The following BAZ2B variants were observed in gnomAD, a reference collection of about 807,000 sequenced individuals.
The protein encoded by BAZ2B is bromodomain adjacent to zinc finger domain 2B.
BAZ2B carries 91 observed loss-of-function variants against 246.0 expected under a neutral mutation model. The observed-to-expected ratio is 0.37, with a 90% CI of 0.31 to 0.44. The LOEUF is 0.44. BAZ2B is among the 20% of genes least tolerant of loss of function. The pLI is 1.00. For missense variants in BAZ2B, 2,332 were observed against 2,533.7 expected (o/e 0.92, Z 1.71); for synonymous variants, 855 against 860.0 (o/e 0.99, Z 0.10).
chr2:159,368,933 T>C (rs1016301740), intron 27 of BAZ2B, among the ~76,000 whole-genome samples: 6 of 151,682 alleles, frequency 4.0e-5, no homozygotes, highest in Admixed American at 2.6e-4. Context: ...CATTAAATTA[T>C]TTATTTACTT....
rs1466594147 is a variant in BAZ2B, at chr2:159,433,034, C to T, written c.1623G>A (p.Gly541=). 6.2e-7 allele frequency: 1 copy of T among 1,614,038 alleles called. No individual in the cohort carries two copies. Among genetic ancestry groups the T allele is most frequent in the East Asian group, 2.2e-5 (1 of 44,896 alleles). The part of the protein sequence containing the change: ...FSSPVNLSTS[G]RRTPGNQTPV... ...GTGTCTGATTGCCAGGGGTTCTTCT[C>T]CCACTTGTACTCAGATTTACAGGTG... Residue 541 remains glycine, a synonymous_variant, in exon 9 of 37, where the codon GGG becomes GGA. Transcript: ENST00000392783.
At chr2:159,701,188 T>G in the BAZ2B span, among the ~76,000 whole-genome samples, 20 of 152,354 alleles carry the variant, frequency 1.3e-4, no homozygotes, top group African/African-American at 4.8e-4. Context: ...GAAACCTCAA[T>G]GTCTCTAGTG....
At chr2:159,400,701 T>G (rs1024438321) in intron 16 of BAZ2B, 37 bp from the exon 17 acceptor site, 1 of 1,200,758 alleles carries the variant, frequency 8.3e-7, no homozygotes, top group Admixed American at 2.0e-5. Flanking sequence ...GATAATAAAA[T>G]AAACTATCTG....
chr2:159,358,635 C>T (rs1211423620), intron 27 of BAZ2B, among the ~76,000 whole-genome samples: 2 of 152,178 alleles, frequency 1.3e-5, no homozygotes, highest in African/African-American at 4.8e-5. Flanking sequence ...ACAGAACTCT[C>T]CACCCCAAAT....
At chr2:159,315,805 A>G (rs1376211555), downstream of BAZ2B, among the ~76,000 whole-genome samples, 1 of 152,232 alleles carries the variant, frequency 6.6e-6, no homozygotes, top group African/African-American at 2.4e-5. Context: ...CCATGTATTA[A>G]AAAAATCACT....
chr2:159,662,107 G>C, the BAZ2B span, among the ~76,000 whole-genome samples: 1 of 152,150 alleles, frequency 6.6e-6, no homozygotes, highest in East Asian at 1.9e-4. Flanking sequence ...ATGTGGCCTT[G>C]TGTATTTGGT....
intron 14 of BAZ2B, among the ~76,000 whole-genome samples, chr2:159,409,503 C>T (rs2066491032): frequency 6.6e-6 from 1 of 152,132 alleles, no homozygotes; most frequent in African/African-American, 2.4e-5. Context: ...TTAGAGTTCT[C>T]ATTTCACAAC....
intron 21 of BAZ2B, among the ~76,000 whole-genome samples, chr2:159,389,125 C>CCAACCAAA (rs1426855041): frequency 5.4e-5 from 8 of 149,190 alleles, no homozygotes; most frequent in South Asian, 2.1e-4. Flanking sequence ...AACCAACCAA[C>CCAACCAAA]CAAACAAACA....
intron 2 of BAZ2B, among the ~76,000 whole-genome samples, chr2:159,531,102 T>C (rs2085334310): frequency 6.6e-6 from 1 of 152,170 alleles, no homozygotes. Flanking sequence ...CATGAATAAT[T>C]AGGTGTATTC....
chr2:159,659,916 A>G, the BAZ2B span, among the ~76,000 whole-genome samples: 1 of 152,240 alleles, frequency 6.6e-6, no homozygotes, highest in Non-Finnish European at 1.5e-5. Context: ...TCATTAAAGT[A>G]TCATAATTTC....
intron 27 of BAZ2B, among the ~76,000 whole-genome samples, chr2:159,370,194 T>C (rs902378160): frequency 1.3e-5 from 2 of 152,008 alleles, no homozygotes; most frequent in African/African-American, 2.4e-5. Flanking sequence ...AGGGGAGGGA[T>C]AGCATTAGGA....
chr2:159,322,349 C>G (rs1188979423), intron 36 of BAZ2B, among the ~76,000 whole-genome samples: 1 of 152,130 alleles, frequency 6.6e-6, no homozygotes, highest in African/African-American at 2.4e-5. Context: ...ATTATCGTCA[C>G]TTCTAAAACA....
intron 17 of BAZ2B, 34 bp from the exon 18 acceptor site, chr2:159,398,928 A>C (rs758741471): frequency 1.5e-5 from 23 of 1,581,540 alleles, no homozygotes; most frequent in Non-Finnish European, 1.9e-5. Context: ...AAGTCATGCA[A>C]CAGCACCACT....
chr2:159,537,822 T>C (rs1226468808), intron 2 of BAZ2B, among the ~76,000 whole-genome samples: 1 of 152,164 alleles, frequency 6.6e-6, no homozygotes, highest in Non-Finnish European at 1.5e-5. Flanking sequence ...TTTTTTCCTA[T>C]ATAATTAATG....
chr2:159,623,725 A>G, the BAZ2B span, among the ~76,000 whole-genome samples: 1 of 152,170 alleles, frequency 6.6e-6, no homozygotes, highest in Non-Finnish European at 1.5e-5. Flanking sequence ...TTGCTAGCAA[A>G]TCTCACTTCT....
In BAZ2B at chr2:159,587,763, G is replaced by T. The variant is rs1688372984; in HGVS notation, c.-46+28479C>A. On this transcript the variant is annotated intron_variant, in intron 1 of 36. Coordinates refer to ENST00000392783, the MANE Select transcript of BAZ2B (RefSeq NM_013450.4). ...TTTACATGACTGTTTTCCCCTACTA[G>T]TCTGCGAACAGAAAGAAAAGTAACC... 2.6e-5 allele frequency among the ~76,000 whole-genome samples: 4 copies of T among 152,040 alleles called. No homozygotes were observed. In the South Asian group the frequency reaches 8.3e-4, roughly 32 times the overall value.
chr2:159,696,332 T>G, the BAZ2B span, among the ~76,000 whole-genome samples: 12 of 152,154 alleles, frequency 7.9e-5, 1 homozygote, highest in East Asian at 2.3e-3. Flanking sequence ...AGCGTGAGAT[T>G]TGTCCTCCAA....
intron 25 of BAZ2B, 90 bp from the exon 26 acceptor site, chr2:159,374,843 T>G (rs17577396): frequency 0.056 from 61,468 of 1,089,724 alleles, 2,027 homozygotes; most frequent in South Asian, 0.098. Context: ...CTATAGGCAC[T>G]GCGGAAAGGT....
chr2:159,368,430 G>GT lies in BAZ2B; in HGVS notation c.4213+4614dup, dbSNP rs558976842. On this transcript the variant is annotated intron_variant, in intron 27 of 36. Transcript: ENST00000392783. ...AACACTTGATGAATAAATCATCTGAGTTTTTTCCTCATTTTAATTAGCTGT... is the reference window on the plus strand; with the variant it reads ...AACACTTGATGAATAAATCATCTGAGTTTTTTTCCTCATTTTAATTAGCTGT... 6.7e-4 allele frequency among the ~76,000 whole-genome samples: 102 copies of GT among 152,184 alleles called. 2 individuals are homozygous for GT. In the South Asian group the frequency reaches 0.011, roughly 16 times the overall value.
Sources: allele counts gnomAD v4.1 joint callset (sites outside exome capture counted in the v4.1 genomes callset), GRCh38; gene constraint gnomAD v4.1.1; transcripts MANE v1.5; gene names NCBI Gene and HGNC (gene_info 2026-07-23, HGNC 2026-07-21).